SMG7: variants seen among roughly 807,000 people sequenced by gnomAD.
The protein encoded by SMG7 is SMG7 nonsense mediated mRNA decay factor.
A neutral mutation model predicts 148.2 loss-of-function variants in SMG7; 34 were observed. The observed-to-expected ratio is 0.23, with a 90% CI of 0.17 to 0.31. The LOEUF is 0.31. Among genes scored for constraint, SMG7 ranks in the 10% least tolerant of loss-of-function variants. The pLI is 1.00. For missense variants in SMG7, 1,114 were observed against 1,408.4 expected, an observed-to-expected ratio of 0.79 and a Z score of 3.35; for synonymous variants, 492 against 515.1, an observed-to-expected ratio of 0.96 and a Z score of 0.61.
chr1:183,512,734 G>A (rs371771101), intron 1 of SMG7, 103 bp from the exon 2 acceptor site: 101 of 1,055,654 alleles, frequency 9.6e-5, no homozygotes, highest in East Asian at 4.4e-4. Context: ...TATCCTTATC[G>A]TAGTATATGA....
intron 2 of SMG7, among the ~76,000 whole-genome samples, chr1:183,515,023 G>T (rs1663151336): frequency 6.6e-6 from 1 of 152,158 alleles, no homozygotes; most frequent in African/African-American, 2.4e-5. Flanking sequence ...CCATTATTAA[G>T]TTCACCTACT....
At chr1:183,491,685 C>T (rs1335969104) in intron 1 of SMG7, among the ~76,000 whole-genome samples, 2 of 152,056 alleles carry the variant, frequency 1.3e-5, no homozygotes, top group African/African-American at 4.8e-5. Context: ...TGAATCTTAG[C>T]TAAGAATTCT....
chr1:183,494,852 G>T (rs967690770), intron 1 of SMG7, among the ~76,000 whole-genome samples: 14 of 126,242 alleles, frequency 1.1e-4, no homozygotes, highest in African/African-American at 4.4e-4. Context: ...CCACAACCTT[G>T]GGTGTCTCGC....
rs1196826028 is a variant in SMG7 at position 183,550,780 on chromosome 1, C to A, written c.3163C>A (p.His1055Asn). 6.2e-7 allele frequency: 1 copy of A among 1,614,150 alleles called. No individual in the cohort carries two copies. Residue 1055 changes from histidine (H) to asparagine (N), a missense_variant, in exon 21 of 23, where the codon CAT becomes AAT. His to Asn is a moderately conservative substitution (Grantham distance 68). Transcript: ENST00000688051. ...TTCAACACCAGCCAGCCAGTCTCCTCATTCCTCTAACCCAAGCAGCCTACC... is the reference window on the plus strand; with the variant it reads ...TTCAACACCAGCCAGCCAGTCTCCTAATTCCTCTAACCCAAGCAGCCTACC... ...DHSTPASQSPHSSNPSSLPSS... is the reference protein window; with the variant it reads ...DHSTPASQSPNSSNPSSLPSS...
chr1:183,516,095 A>G, intron 3 of SMG7, 104 bp downstream of exon 3: 1 of 709,610 alleles, frequency 1.4e-6, no homozygotes, highest in East Asian at 2.6e-5. Flanking sequence ...GTTGCAGAAT[A>G]AACTTTTTCA....
chr1:183,545,390 A>G, intron 16 of SMG7, 78 bp downstream of exon 16: 1 of 1,480,490 alleles, frequency 6.8e-7, no homozygotes, highest in Admixed American at 1.9e-5. Flanking sequence ...AGAAATGCTC[A>G]TTAAACTTTG....
intron 18 of SMG7, among the ~76,000 whole-genome samples, chr1:183,547,991 C>A (rs1670228329): frequency 6.6e-6 from 1 of 152,092 alleles, no homozygotes; most frequent in Non-Finnish European, 1.5e-5. Flanking sequence ...GGCTTTTTCC[C>A]CTCTCTTTAT....
At chr1:183,488,321 T>G (rs1656017625) in intron 1 of SMG7, among the ~76,000 whole-genome samples, 1 of 152,184 alleles carries the variant, frequency 6.6e-6, no homozygotes, top group Non-Finnish European at 1.5e-5. Context: ...ACTGGCCACA[T>G]ATGGCTATTT....
At chr1:183,493,875 C>T (rs922183113) in intron 1 of SMG7, among the ~76,000 whole-genome samples, 2 of 152,116 alleles carry the variant, frequency 1.3e-5, no homozygotes, top group South Asian at 2.1e-4. Flanking sequence ...TCATAGCACC[C>T]GGCCACTTTA....
intron 10 of SMG7, 149 bp downstream of exon 10, chr1:183,533,981 T>C (rs1667297202): frequency 1.6e-6 from 1 of 608,780 alleles, no homozygotes; most frequent in African/African-American, 1.8e-5. Context: ...GAAGACCTCT[T>C]TGTACGCTTT....
chr1:183,530,054 TTAAGA>T (rs980911555), intron 8 of SMG7, among the ~76,000 whole-genome samples: 23 of 152,148 alleles, frequency 1.5e-4, no homozygotes, highest in Non-Finnish European at 4.4e-5. Context: ...TATTAGTATG[TTAAGA>T]TATTAGCAGT....
intron 6 of SMG7, 145 bp from the exon 7 acceptor site, chr1:183,528,747 T>TA (rs1282710350): frequency 1.8e-5 from 12 of 674,714 alleles, no homozygotes; most frequent in Non-Finnish European, 2.8e-5. Flanking sequence ...TGTTGGACCT[T>TA]ACGCTGGTTT....
chr1:183,542,927 ATGTGTGTGTGTGTG>A (rs3979479), intron 14 of SMG7, among the ~76,000 whole-genome samples: 25 of 85,174 alleles, frequency 2.9e-4, no homozygotes, highest in South Asian at 9.5e-4. Context: ...ATATATATAT[ATGTGTGTGTGTGTG>A]TGTGTGTGTG....
Position 183,502,487 on chromosome 1 carries a change from TC to T in SMG7, c.30-10348del, listed in dbSNP as rs1659957322. On this transcript the variant is annotated intron_variant, in intron 1 of 22. Coordinates refer to ENST00000688051, the MANE Select transcript of SMG7 (RefSeq NM_001375584.1). ...GTGAATACTAATAAAATTAGAAACT[TC>T]CTGAAACATTTGATTTTGGCCAAGA... is the stretch of plus-strand genomic sequence containing the variant. 4 of 1,012,968 alleles carry T rather than the reference TC, an allele frequency of 3.9e-6. No homozygotes were observed. The Admixed American group carries it at 1.2e-4, about 31-fold the overall frequency. The allele number at this position is 1,012,968 out of a possible 1,614,324, so 62.7% of individuals were successfully genotyped here.
chr1:183,523,029 A>G (rs745516700), intron 4 of SMG7, among the ~76,000 whole-genome samples: 1 of 152,174 alleles, frequency 6.6e-6, no homozygotes, highest in Non-Finnish European at 1.5e-5. Context: ...CAGTTAAAGC[A>G]TGGGGCTTAA....
intron 9 of SMG7, 33 bp downstream of exon 9, chr1:183,533,359 T>G: frequency 6.3e-7 from 1 of 1,595,184 alleles, no homozygotes; most frequent in Non-Finnish European, 8.6e-7. Flanking sequence ...TGTGCCATCT[T>G]TTTTGAAAAA....
chr1:183,529,254 G>A, intron 7 of SMG7, 144 bp from the exon 8 acceptor site: 1 of 944,290 alleles, frequency 1.1e-6, no homozygotes, highest in Non-Finnish European at 1.6e-6. Flanking sequence ...TGTTAATACT[G>A]ACTCATCTTG....
At chr1:183,518,744 A>C (rs1472245359) in intron 4 of SMG7, 2 of 152,238 alleles carry the variant, frequency 1.3e-5, no homozygotes. Flanking sequence ...AATCTGTTAG[A>C]AAATTACCAT....
rs1670082508 is a variant in SMG7, at chr1:183,547,256, T to C, written c.2892+4T>C. 1.9e-6 allele frequency: 3 copies of C among 1,549,134 alleles called. No homozygotes were observed. Among genetic ancestry groups the C allele is most frequent in the Non-Finnish European group, 2.6e-6 (3 of 1,146,338 alleles). ...TCTTCCTGGACGAAGCCTTTTTGTATGTATTTGACATAATTCTGCTTCTTG... is the reference window on the plus strand; with the variant it reads ...TCTTCCTGGACGAAGCCTTTTTGTACGTATTTGACATAATTCTGCTTCTTG... On this transcript the variant is annotated splice_donor_region_variant and intron_variant, in intron 18 of 22. Coordinates refer to ENST00000688051, the MANE Select transcript of SMG7 (RefSeq NM_001375584.1).
Sources: allele counts gnomAD v4.1 joint callset (sites outside exome capture counted in the v4.1 genomes callset), GRCh38; gene constraint gnomAD v4.1.1; transcripts MANE v1.5; gene names NCBI Gene and HGNC (gene_info 2026-07-23, HGNC 2026-07-21).